The following NEXMIF variants were observed in gnomAD, a reference collection of about 807,000 sequenced individuals.
NEXMIF encodes neurite extension and migration factor.
A neutral mutation model predicts 62.1 loss-of-function variants in NEXMIF; 8 were observed. The observed-to-expected ratio is 0.13, with a 90% confidence interval of 0.08 to 0.23. NEXMIF has a LOEUF of 0.23. Ranked by LOEUF, NEXMIF falls within the 10% of genes least tolerant of loss-of-function variation. NEXMIF has a pLI of 1.00. For synonymous variants in NEXMIF, 404 were observed against 416.6 expected, an observed-to-expected ratio of 0.97 and a Z score of 0.37; for missense variants, 976 against 1,113.3, an observed-to-expected ratio of 0.88 and a Z score of 1.75.
intron 1 of NEXMIF, among the ~76,000 whole-genome samples, chrX:74,818,482 T>A (rs891075044): frequency 5.4e-5 from 6 of 111,833 alleles, no homozygotes; most frequent in African/African-American, 1.9e-4. Context: ...TCAAGATGGA[T>A]TAAAGACTTA....
intron 1 of NEXMIF, among the ~76,000 whole-genome samples, chrX:74,812,365 TA>T (rs1028358651): frequency 8.9e-6 from 1 of 112,072 alleles, no homozygotes; most frequent in Non-Finnish European, 1.9e-5. Flanking sequence ...GCCTCTTCAT[TA>T]AAAAAATTTA....
chrX:74,793,488 T>C (rs1027583608), intron 1 of NEXMIF, among the ~76,000 whole-genome samples: 12 of 110,640 alleles, frequency 1.1e-4, no homozygotes, highest in African/African-American at 3.0e-4. Context: ...ATCTCTGGGG[T>C]GTTCTCTGTA....
chrX:74,881,191 G>C (rs1020142500), intron 1 of NEXMIF, among the ~76,000 whole-genome samples: 1 of 111,299 alleles, frequency 9.0e-6, no homozygotes, highest in African/African-American at 3.3e-5. Context: ...GGTGAGTGTT[G>C]GCAGATGTTT....
At chrX:74,909,360 G>C (rs1743085350) in intron 1 of NEXMIF, among the ~76,000 whole-genome samples, 1 of 111,767 alleles carries the variant, frequency 8.9e-6, no homozygotes. Context: ...TTATGTTTTA[G>C]CAAAGAGACT....
At chrX:74,794,029 TC>T (rs1295337058) in intron 1 of NEXMIF, among the ~76,000 whole-genome samples, 1 of 85,643 alleles carries the variant, frequency 1.2e-5, no homozygotes, top group African/African-American at 4.0e-5. Flanking sequence ...GGAACTGCGT[TC>T]CTTTGGAGGA....
chrX:74,739,378 T>A lies in NEXMIF; in HGVS notation c.*27A>T. 9.3e-7 allele frequency: 1 copy of A among 1,076,967 alleles called. No individual in the cohort carries two copies. Among genetic ancestry groups the A allele is most frequent in the Non-Finnish European group, 1.3e-6 (1 of 786,317 alleles). 88.8% of individuals were successfully genotyped at this position (1,076,967 alleles called of 1,213,427 possible). A position where few individuals can be genotyped will look rare whatever the true frequency, so the allele number is the denominator to read the frequency against. ...ATGTCAACATACATACCACAAGGCATATTTTGAAAGAAATAAAACACAAAC... is the reference window on the plus strand; with the variant it reads ...ATGTCAACATACATACCACAAGGCAAATTTTGAAAGAAATAAAACACAAAC... On this transcript the variant is annotated 3_prime_UTR_variant, in exon 4 of 4. Coordinates refer to ENST00000055682, the MANE Select transcript of NEXMIF (RefSeq NM_001008537.3).
chrX:74,794,631 CTG>C (rs2080299521), intron 1 of NEXMIF, among the ~76,000 whole-genome samples: 1 of 112,141 alleles, frequency 8.9e-6, no homozygotes, highest in Non-Finnish European at 1.9e-5. Flanking sequence ...CAGCGAGACT[CTG>C]TGGGCATAGG....
At chrX:74,874,155 G>C (rs1325658699) in intron 1 of NEXMIF, among the ~76,000 whole-genome samples, 2 of 107,830 alleles carry the variant, frequency 1.9e-5, no homozygotes, top group South Asian at 8.3e-4. Context: ...AATCCATCTT[G>C]AATTGATTTT....
chrX:74,869,386 G>C (rs1254465929), intron 1 of NEXMIF, among the ~76,000 whole-genome samples: 1 of 111,859 alleles, frequency 8.9e-6, no homozygotes, highest in Admixed American at 9.5e-5. Flanking sequence ...AGGAAAAATG[G>C]AAAGCATTTC....
intron 1 of NEXMIF, among the ~76,000 whole-genome samples, chrX:74,815,443 AG>A (rs1175799536): frequency 9.0e-6 from 1 of 110,858 alleles, no homozygotes; most frequent in Non-Finnish European, 1.9e-5. Context: ...ATTTGGGTTA[AG>A]GCAAGAACTT....
chrX:74,855,540 C>A (rs1345046785), intron 1 of NEXMIF, among the ~76,000 whole-genome samples: 1 of 111,843 alleles, frequency 8.9e-6, no homozygotes, highest in Non-Finnish European at 1.9e-5. Context: ...GAAAAACTCA[C>A]ATATTCCTGG....
At chrX:74,878,869 A>C (rs895909640) in intron 1 of NEXMIF, among the ~76,000 whole-genome samples, 2 of 112,273 alleles carry the variant, frequency 1.8e-5, no homozygotes, top group Non-Finnish European at 3.8e-5. Flanking sequence ...GCGCGCACCC[A>C]CTGACCTGCG....
chrX:74,754,930 A>G (rs894971738), intron 1 of NEXMIF, among the ~76,000 whole-genome samples: 1 of 112,030 alleles, frequency 8.9e-6, no homozygotes, highest in Non-Finnish European at 1.9e-5. Context: ...TCTTGGTCCC[A>G]CTGTAGTTTT....
At chrX:74,852,120 A>C (rs2080516641) in intron 1 of NEXMIF, among the ~76,000 whole-genome samples, 1 of 111,769 alleles carries the variant, frequency 8.9e-6, no homozygotes, top group Admixed American at 9.5e-5. Context: ...GGGATGAAAA[A>C]AAGATATTCC....
intron 1 of NEXMIF, among the ~76,000 whole-genome samples, chrX:74,836,563 T>A (rs1394755610): frequency 9.0e-6 from 1 of 110,756 alleles, no homozygotes; most frequent in African/African-American, 3.3e-5. Flanking sequence ...TGGACCAAGG[T>A]ATAGCTAGAA....
rs200276575 is a variant in NEXMIF, at chrX:74,744,405, G to T, written c.152C>A (p.Pro51Gln). Residue 51 changes from proline (P) to glutamine (Q), a missense_variant, in exon 3 of 4, where the codon CCG (proline) becomes CAG (glutamine). Physicochemically the swap from Pro to Gln is moderately conservative, Grantham distance 76. Around this residue, in one of 5 missense-constraint regions of NEXMIF, gnomAD observed 126 missense variants for 146.5 expected, o/e 0.86. Transcript: ENST00000055682. ...LEAAAPIQPT[P>Q]VAQKETLMYP... is the part of the protein sequence containing the mutation. ...CATCAGGGTCTCTTTTTGTGCCACC[G>T]GTGTAGGCTGGATAGGTGCAGCAGC... is the stretch of plus-strand genomic sequence containing the variant. 2.4e-5 allele frequency: 29 copies of T among 1,207,177 alleles called. No homozygotes were observed. The highest frequency in any genetic ancestry group is 3.0e-5 in the Non-Finnish European group (27 of 893,609).
In NEXMIF at chrX:74,745,588, A is replaced by G; in HGVS notation, c.63T>C (p.Asn21=). The change falls in exon 2 of 4, where the codon AAT becomes AAC. Residue 21 remains asparagine, a synonymous_variant. Coordinates refer to ENST00000055682, the MANE Select transcript of NEXMIF (RefSeq NM_001008537.3). Reference sequence around the variant, plus strand: ...TTCCCTTACCATTTTCTTTGACCCCATTAATCAGAGTGTTTTCTCCGTTGG... The same window carrying G: ...TTCCCTTACCATTTTCTTTGACCCCGTTAATCAGAGTGTTTTCTCCGTTGG... ...ASANGENTLI[N]GVKENDSEDQ... is the part of the protein sequence containing the mutation. The G allele has an allele frequency of 8.4e-7, 1 of 1,195,069 alleles. No homozygotes were observed. The highest frequency in any genetic ancestry group is 1.1e-6 in the Non-Finnish European group (1 of 880,352).
At chrX:74,850,026 C>T (rs974313782) in intron 1 of NEXMIF, among the ~76,000 whole-genome samples, 3 of 112,516 alleles carry the variant, frequency 2.7e-5, no homozygotes, top group Admixed American at 1.9e-4. Context: ...CCAGTGCCCA[C>T]ACATATGACT....
intron 1 of NEXMIF, among the ~76,000 whole-genome samples, chrX:74,780,618 C>A (rs5981691): frequency 1.8e-5 from 2 of 110,094 alleles, no homozygotes; most frequent in Admixed American, 9.7e-5. Context: ...CTCAGGCAAT[C>A]GGCCCGCTGT....
Sources: allele counts gnomAD v4.1 joint callset (sites outside exome capture counted in the v4.1 genomes callset), GRCh38; gene constraint gnomAD v4.1.1; regional missense constraint gnomAD v4.1.1; transcripts MANE v1.5; gene names NCBI Gene and HGNC (gene_info 2026-07-23, HGNC 2026-07-21).